PCDHGA4: variants seen among roughly 807,000 people sequenced by gnomAD.
The protein encoded by PCDHGA4 is protocadherin gamma subfamily A, 4, also known as protocadherin gamma-A4.
A neutral mutation model predicts 54.6 loss-of-function variants in PCDHGA4; 38 were observed. That is an observed-to-expected ratio of 0.70 (90% CI 0.54 to 0.91). The LOEUF (loss-of-function observed/expected upper bound fraction) is 0.91, where lower values mean the gene tolerates loss of function less well. PCDHGA4 is among the 40% of genes least tolerant of loss of function. The pLI, the probability that PCDHGA4 is intolerant of heterozygous loss-of-function variation, is 0.00. For missense variants in PCDHGA4, 1,298 were observed against 1,220.9 expected (o/e 1.06, Z -0.94); for synonymous variants, 511 against 512.9 (o/e 1.00, Z 0.05).
At chr5:141,461,607 A>C (rs74634930) in intron 1 of PCDHGA4, among the ~76,000 whole-genome samples, 8,353 of 152,212 alleles carry the variant, frequency 0.055, 473 homozygotes, top group African/African-American at 0.15. Flanking sequence ...AATTTAGTTC[A>C]AAGTATTTTC....
At chr5:141,421,797 C>T in intron 1 of PCDHGA4, 1 of 1,613,744 alleles carries the variant, frequency 6.2e-7, no homozygotes, top group Non-Finnish European at 8.5e-7. Context: ...CGGATGGGGC[C>T]AAGAATCCAG....
At position 141,433,069 on chromosome 5, in the gene PCDHGA4, C is replaced by G. The variant is rs561950316; in HGVS notation, c.2515-61738C>G. The G allele has an allele frequency of 3.1e-6, 5 of 1,614,200 alleles. No homozygotes were observed. In the Admixed American group the frequency reaches 8.3e-5, roughly 27 times the overall value. Reference sequence around the variant, plus strand: ...ACTCGCGGAAGAGTCACCTGATCTTCCCCCAGCCCAACTATGCAGACATGC... The same window carrying G: ...ACTCGCGGAAGAGTCACCTGATCTTGCCCCAGCCCAACTATGCAGACATGC... On this transcript the variant is annotated intron_variant, in intron 1 of 3. Coordinates refer to ENST00000571252, the MANE Select transcript of PCDHGA4 (RefSeq NM_018917.4).
At chr5:141,466,123 A>G (rs961197575) in intron 1 of PCDHGA4, among the ~76,000 whole-genome samples, 1 of 151,364 alleles carries the variant, frequency 6.6e-6, no homozygotes, top group African/African-American at 2.4e-5. Flanking sequence ...CTCCAGCTCA[A>G]AAAAAAAATC....
chr5:141,400,369 T>C (rs2150855153), intron 1 of PCDHGA4: 2 of 1,614,078 alleles, frequency 1.2e-6, no homozygotes, highest in Admixed American at 3.3e-5. Context: ...GCCTTATTCC[T>C]ACAACCTATG....
chr5:141,486,029 C>G lies in PCDHGA4; in HGVS notation c.2515-8778C>G. Reference sequence around the variant, plus strand: ...CACCTTTTATTTCAGTGGTCATACCCCTGATCGTGTAAGAAACCTCTTTAG... The same window carrying G: ...CACCTTTTATTTCAGTGGTCATACCGCTGATCGTGTAAGAAACCTCTTTAG... On this transcript the variant is annotated intron_variant, in intron 1 of 3. Transcript: ENST00000571252. The surrounding 1 kb of genome is among the most constrained non-coding windows in gnomAD (Gnocchi z 5.0). 6.2e-7 allele frequency: 1 copy of G among 1,614,016 alleles called. No homozygotes were observed. Among genetic ancestry groups the G allele is most frequent in the Non-Finnish European group, 8.5e-7 (1 of 1,179,900 alleles).
At chr5:141,374,592 T>C in intron 1 of PCDHGA4, 1 of 1,613,700 alleles carries the variant, frequency 6.2e-7, no homozygotes, top group Admixed American at 1.7e-5. Context: ...CTTCAGGGAT[T>C]TAAGCTCAGT....
intron 1 of PCDHGA4, among the ~76,000 whole-genome samples, chr5:141,386,684 T>A (rs1216561775): frequency 6.6e-6 from 1 of 152,098 alleles, no homozygotes; most frequent in African/African-American, 2.4e-5. Flanking sequence ...AGATGTACAA[T>A]CACTTGGGGT....
intron 1 of PCDHGA4, chr5:141,427,757 C>A: frequency 7.5e-7 from 1 of 1,340,702 alleles, no homozygotes; most frequent in Non-Finnish European, 1.1e-6. Flanking sequence ...CCATCGTTAC[C>A]ACTGACTTGG....
In PCDHGA4 at chr5:141,423,740, GA is replaced by G. The variant is rs778655137; in HGVS notation, c.2514+66123del. 7 of 698,952 alleles carry G rather than the reference GA, an allele frequency of 1.0e-5. No individual in the cohort carries two copies. The African/African-American group carries it at 1.9e-4, about 19-fold the overall frequency. The allele number at this position is 698,952 out of a possible 1,614,324, so 43.3% of individuals were successfully genotyped here. ...AGGAGATGTTTTTTGAGCCTGTTAT[GA>G]AAACTGTTTGGGGGGGGGGTGGGGC... On this transcript the variant is annotated intron_variant, in intron 1 of 3. Coordinates refer to ENST00000571252, the MANE Select transcript of PCDHGA4 (RefSeq NM_018917.4).
chr5:141,461,506 AT>A (rs1406680307), intron 1 of PCDHGA4, among the ~76,000 whole-genome samples: 2 of 151,524 alleles, frequency 1.3e-5, no homozygotes, highest in Non-Finnish European at 1.5e-5. Context: ...TTTCTTGGTG[AT>A]TTGTTAGTTC....
chr5:141,485,444 G>A lies in PCDHGA4; in HGVS notation c.2515-9363G>A. 1 of 1,614,110 alleles carries A rather than the reference G, an allele frequency of 6.2e-7. No individual in the cohort carries two copies. Among genetic ancestry groups the A allele is most frequent in the Non-Finnish European group, 8.5e-7 (1 of 1,180,020 alleles). On this transcript the variant is annotated intron_variant, in intron 1 of 3. Coordinates refer to ENST00000571252, the MANE Select transcript of PCDHGA4 (RefSeq NM_018917.4). This position sits in a 1 kb window ranked among gnomAD's most constrained non-coding sequence, Gnocchi z 5.7. ...AGCCCTGCTCATCAAGAACCCAATC[G>A]ACCGAGAGGCACTGTGTGGGCTCAG...
rs756857668 is a variant in PCDHGA4, at chr5:141,389,399, A to C, written c.2514+31778A>C. ...GGGAGCTGTCATCCTACGTGTCCAT[A>C]AGCGCGGAGAGCGGGGTGGTGTTCG... On this transcript the variant is annotated intron_variant, in intron 1 of 3. Coordinates refer to ENST00000571252, the MANE Select transcript of PCDHGA4 (RefSeq NM_018917.4). 67 of 1,613,528 alleles carry C rather than the reference A, an allele frequency of 4.2e-5. 1 individual carries two copies. Among genetic ancestry groups the C allele is most frequent in the South Asian group, 5.5e-5 (5 of 91,094 alleles).
rs750226328 is a variant in PCDHGA4, at chr5:141,355,647, G to A, written c.540G>A (p.Gly180=). 5.0e-6 allele frequency: 8 copies of A among 1,613,846 alleles called. No homozygotes were observed. The highest frequency in any genetic ancestry group is 1.3e-5 in the African/African-American group (1 of 74,926). ...EIKVAENENP[G]ARFPLPEAFD... ...AAGTTGCTGAAAATGAAAATCCTGGGGCAAGATTTCCTCTTCCTGAAGCTT... is the reference window on the plus strand; with the variant it reads ...AAGTTGCTGAAAATGAAAATCCTGGAGCAAGATTTCCTCTTCCTGAAGCTT... The change falls in exon 1 of 4, where the codon GGG becomes GGA. Residue 180 remains glycine (G), a synonymous_variant. Transcript: ENST00000571252.
intron 2 of PCDHGA4, among the ~76,000 whole-genome samples, chr5:141,503,269 C>A (rs1161751693): frequency 6.6e-6 from 1 of 152,116 alleles, no homozygotes; most frequent in Non-Finnish European, 1.5e-5. Context: ...ACCCCAGCAC[C>A]TGGCTCTGTG....
chr5:141,393,984 C>G (rs1176875822), intron 1 of PCDHGA4: 1 of 1,613,570 alleles, frequency 6.2e-7, no homozygotes, highest in South Asian at 1.1e-5. Flanking sequence ...TGATAATTTA[C>G]CTTTTAAATT....
At chr5:141,500,488 C>T (rs569168291) in intron 2 of PCDHGA4, among the ~76,000 whole-genome samples, 4 of 152,178 alleles carry the variant, frequency 2.6e-5, no homozygotes, top group South Asian at 2.1e-4. Flanking sequence ...GGATTACAGG[C>T]GTGAGCCACC....
Position 141,436,164 on chromosome 5 carries a change from A to G in PCDHGA4, c.2515-58643A>G, listed in dbSNP as rs896845015. Among the ~76,000 whole-genome samples, 8 of 152,188 alleles carry G rather than the reference A, an allele frequency of 5.3e-5. No homozygotes were observed. The East Asian group carries it at 1.3e-3, about 26-fold the overall frequency. ...AACTACCAAAATGTTTATCATATGG[A>G]CAGTTCTCATATATAGTCAAATAGA... On this transcript the variant is annotated intron_variant, in intron 1 of 3. Transcript: ENST00000571252.
intron 1 of PCDHGA4, among the ~76,000 whole-genome samples, chr5:141,445,489 G>A (rs934531418): frequency 7.2e-5 from 11 of 152,188 alleles, no homozygotes; most frequent in Non-Finnish European, 1.3e-4. Context: ...GAGTTAATGG[G>A]CCCTATTCTA....
intron 1 of PCDHGA4, chr5:141,468,586 G>C (rs1232477889): frequency 1.3e-5 from 2 of 152,176 alleles, no homozygotes; most frequent in East Asian, 1.9e-4. Context: ...GGTACTAAAG[G>C]CTGGGCGCGG....
Sources: gnomAD v4.1 joint callset for allele counts (sites outside exome capture counted in the v4.1 genomes callset) on GRCh38, gnomAD v4.1.1 for gene constraint, Gnocchi (gnomAD v3.1) non-coding constraint, MANE v1.5 for transcripts, NCBI Gene and HGNC (gene_info 2026-07-23, HGNC 2026-07-21) for gene names.